RBFOX1: variants seen among roughly 807,000 people sequenced by gnomAD.
The protein encoded by RBFOX1 is RNA binding protein fox-1 homolog 1.
In RBFOX1, 8 loss-of-function variants were observed where a neutral mutation model predicts 57.7. The ratio of observed to expected loss-of-function variants is 0.14; its 90% CI spans 0.08 to 0.25. RBFOX1 has a LOEUF of 0.25. Ranked by LOEUF, RBFOX1 falls within the 10% of genes least tolerant of loss-of-function variation. RBFOX1 has a pLI of 1.00. For synonymous variants in RBFOX1, 326 were observed against 222.4 expected (o/e 1.47, Z -4.15); for missense variants, 611 against 548.5 (o/e 1.11, Z -1.14).
At chr16:5,677,795 G>T (rs553514592) in intron 3 of RBFOX1, among the ~76,000 whole-genome samples, 1 of 152,166 alleles carries the variant, frequency 6.6e-6, no homozygotes, top group Non-Finnish European at 1.5e-5. Context: ...GGAAAGGCTT[G>T]GTGGTGAAGC....
chr16:6,707,674 C>T (rs1041733437), intron 3 of RBFOX1, among the ~76,000 whole-genome samples: 1 of 152,056 alleles, frequency 6.6e-6, no homozygotes, highest in African/African-American at 2.4e-5. Flanking sequence ...CATTTACAAG[C>T]CCAGGAGAGT....
intron 2 of RBFOX1, among the ~76,000 whole-genome samples, chr16:6,344,909 T>G (rs1485726464): frequency 6.7e-6 from 1 of 150,324 alleles, no homozygotes; most frequent in African/African-American, 2.5e-5. Context: ...CAGGCTGGTC[T>G]TGAATTTCTG....
At chr16:7,569,422 G>C (rs2092534226) in intron 5 of RBFOX1, among the ~76,000 whole-genome samples, 1 of 152,108 alleles carries the variant, frequency 6.6e-6, no homozygotes, top group Non-Finnish European at 1.5e-5. Context: ...AATCAGTAAT[G>C]GTGGGTTGAG....
intron 3 of RBFOX1, among the ~76,000 whole-genome samples, chr16:6,962,179 G>T (rs904714809): frequency 6.6e-6 from 1 of 152,060 alleles, no homozygotes; most frequent in African/African-American, 2.4e-5. Flanking sequence ...ATGCTCCTTG[G>T]TTTATGGCAG....
intron 3 of RBFOX1, among the ~76,000 whole-genome samples, chr16:5,696,265 G>GGTATTTTCTAAATATTTATGAATC (rs2050839683): frequency 6.6e-6 from 1 of 152,070 alleles, no homozygotes. Context: ...TATTCCCATA[G>GGTATTTTCTAAATATTTATGAATC]GTATTTTCTA....
At chr16:6,931,362 C>CAT (rs1425155853) in intron 3 of RBFOX1, among the ~76,000 whole-genome samples, 2 of 150,110 alleles carry the variant, frequency 1.3e-5, no homozygotes, top group African/African-American at 2.5e-5. Flanking sequence ...CACACACACA[C>CAT]ATACATACAC....
At chr16:6,739,606 G>A (rs1199278203) in intron 3 of RBFOX1, among the ~76,000 whole-genome samples, 1 of 151,864 alleles carries the variant, frequency 6.6e-6, no homozygotes, top group Non-Finnish European at 1.5e-5. Flanking sequence ...GCCAGGTGGG[G>A]TGGCTCATGC....
intron 3 of RBFOX1, among the ~76,000 whole-genome samples, chr16:6,796,158 C>G (rs996489804): frequency 4.6e-5 from 7 of 151,994 alleles, no homozygotes; most frequent in Admixed American, 3.9e-4. Flanking sequence ...TGGTGGCGGA[C>G]AAGAGAAGAG....
intron 5 of RBFOX1, among the ~76,000 whole-genome samples, chr16:7,557,713 T>C (rs995790861): frequency 3.6e-4 from 54 of 149,680 alleles, no homozygotes; most frequent in African/African-American, 1.3e-3. Flanking sequence ...AATTACCTGA[T>C]GCGCTTGTTA....
chr16:5,618,758 G>T (rs1215998270), intron 3 of RBFOX1, among the ~76,000 whole-genome samples: 1 of 152,224 alleles, frequency 6.6e-6, no homozygotes, highest in Non-Finnish European at 1.5e-5. Flanking sequence ...GCCAGCTCAG[G>T]AAGGTAAATC....
At chr16:6,404,042 GT>G (rs1252222169) in intron 2 of RBFOX1, among the ~76,000 whole-genome samples, 4 of 152,104 alleles carry the variant, frequency 2.6e-5, no homozygotes, top group Non-Finnish European at 2.9e-5. Context: ...GTAAATTTAT[GT>G]TGTTTAACTC....
intron 1 of RBFOX1, among the ~76,000 whole-genome samples, chr16:6,114,808 G>A (rs1567489619): frequency 6.6e-6 from 1 of 152,190 alleles, no homozygotes; most frequent in South Asian, 2.1e-4. Context: ...GAATTCATGT[G>A]CAAGCAGATG....
intron 3 of RBFOX1, among the ~76,000 whole-genome samples, chr16:6,753,852 C>G (rs982511458): frequency 1.3e-5 from 2 of 152,060 alleles, no homozygotes; most frequent in East Asian, 1.9e-4. Context: ...TTTTGCCGAG[C>G]TGAGTTTTAT....
chr16:7,196,618 C>G (rs1230176366), intron 4 of RBFOX1, among the ~76,000 whole-genome samples: 3 of 152,142 alleles, frequency 2.0e-5, no homozygotes, highest in Non-Finnish European at 2.9e-5. Context: ...AAACCAGGGT[C>G]AATGCCTTCA....
intron 4 of RBFOX1, among the ~76,000 whole-genome samples, chr16:7,228,757 G>C (rs1158830695): frequency 6.6e-6 from 1 of 152,182 alleles, no homozygotes; most frequent in Non-Finnish European, 1.5e-5. Context: ...GAGGTTAAGT[G>C]AATTTGACCA....
chr16:6,996,983 TTCCTCA>T (rs2092309990), intron 3 of RBFOX1, among the ~76,000 whole-genome samples: 1 of 152,152 alleles, frequency 6.6e-6, no homozygotes, highest in African/African-American at 2.4e-5. Flanking sequence ...CATTGAAGAT[TTCCTCA>T]TCAGCTTTAT....
intron 3 of RBFOX1, among the ~76,000 whole-genome samples, chr16:5,720,651 G>C (rs899675976): frequency 1.3e-5 from 2 of 152,218 alleles, no homozygotes; most frequent in African/African-American, 2.4e-5. Flanking sequence ...CTTGTGTGCA[G>C]TTATCCAGTT....
At chr16:7,692,948 C>T (rs720850) in intron 14 of RBFOX1, among the ~76,000 whole-genome samples, 43,504 of 151,626 alleles carry the variant, frequency 0.29, 6,718 homozygotes, top group Non-Finnish European at 0.33. Flanking sequence ...CTGTAGTATA[C>T]CCTATTTCTT....
chr16:5,603,698 G>A (rs1344661161), downstream of RBFOX1, among the ~76,000 whole-genome samples: 4 of 152,198 alleles, frequency 2.6e-5, no homozygotes, highest in Admixed American at 2.0e-4. Context: ...ATTGTGTTGA[G>A]GTGGCATGGT....
Sources: gnomAD v4.1 joint callset for allele counts (sites outside exome capture counted in the v4.1 genomes callset) on GRCh38, gnomAD v4.1.1 for gene constraint, MANE v1.5 for transcripts, NCBI Gene and HGNC (gene_info 2026-07-23, HGNC 2026-07-21) for gene names.